Variants in DPYD observed in about 807,000 individuals in gnomAD.
DPYD encodes the protein dihydropyrimidine dehydrogenase [NADP(+)].
A neutral mutation model predicts 116.2 loss-of-function variants in DPYD; 109 were observed. The ratio of observed to expected loss-of-function variants is 0.94; its 90% confidence interval spans 0.80 to 1.10. The LOEUF (loss-of-function observed/expected upper bound fraction) is 1.10, where lower values mean the gene tolerates loss of function less well. DPYD is among the 50% of genes least tolerant of loss of function. DPYD has a pLI of 0.00. For synonymous variants in DPYD, 440 were observed against 432.0 expected (o/e 1.02, Z -0.23); for missense variants, 1,302 against 1,254.5 (o/e 1.04, Z -0.57).
intron 11 of DPYD, among the ~76,000 whole-genome samples, chr1:97,568,570 C>T (rs1229219011): frequency 6.6e-6 from 1 of 152,002 alleles, no homozygotes; most frequent in African/African-American, 2.4e-5. Flanking sequence ...ACCCCACTCT[C>T]AGCCAATATA....
At chr1:97,103,362 C>A (rs1447386824) in intron 20 of DPYD, among the ~76,000 whole-genome samples, 1 of 152,022 alleles carries the variant, frequency 6.6e-6, no homozygotes, top group Non-Finnish European at 1.5e-5. Flanking sequence ...AATGCTTAAT[C>A]ACCGATATAA....
At chr1:97,640,855 T>C (rs941190466) in intron 8 of DPYD, among the ~76,000 whole-genome samples, 3 of 152,158 alleles carry the variant, frequency 2.0e-5, no homozygotes, top group African/African-American at 7.2e-5. Flanking sequence ...AAAACAGTGA[T>C]AGAAGAAAAG....
At chr1:97,185,838 A>C (rs1016346458) in intron 20 of DPYD, among the ~76,000 whole-genome samples, 3 of 152,176 alleles carry the variant, frequency 2.0e-5, no homozygotes, top group Non-Finnish European at 4.4e-5. Context: ...AATGGCTGGA[A>C]AAGTGCACAA....
intron 8 of DPYD, among the ~76,000 whole-genome samples, chr1:97,677,759 A>AT (rs144819991): frequency 6.6e-6 from 1 of 152,098 alleles, no homozygotes; most frequent in Non-Finnish European, 1.5e-5. Flanking sequence ...GCTTTCCATA[A>AT]TTTTTTGCCT....
At chr1:97,493,215 T>A (rs1410670007) in intron 13 of DPYD, among the ~76,000 whole-genome samples, 1 of 152,202 alleles carries the variant, frequency 6.6e-6, no homozygotes, top group Non-Finnish European at 1.5e-5. Flanking sequence ...TAATACCAAG[T>A]AGGCTGTCTT....
At chr1:97,268,798 T>C (rs904038516) in intron 18 of DPYD, among the ~76,000 whole-genome samples, 3 of 152,328 alleles carry the variant, frequency 2.0e-5, no homozygotes, top group African/African-American at 2.4e-5. Flanking sequence ...AATGCCTCCA[T>C]GGTCATTCTC....
At chr1:97,135,946 A>C (rs1653758067) in intron 20 of DPYD, among the ~76,000 whole-genome samples, 1 of 152,226 alleles carries the variant, frequency 6.6e-6, no homozygotes, top group African/African-American at 2.4e-5. Flanking sequence ...AAGGAAGAAC[A>C]CAGCCAGGAT....
intron 19 of DPYD, among the ~76,000 whole-genome samples, chr1:97,223,937 G>A (rs1660944819): frequency 6.6e-6 from 1 of 151,814 alleles, no homozygotes; most frequent in Admixed American, 6.6e-5. Flanking sequence ...TTTTTTCAGA[G>A]TAGCCCTCAA....
intron 16 of DPYD, among the ~76,000 whole-genome samples, chr1:97,326,811 A>G (rs953778807): frequency 2.0e-5 from 3 of 150,656 alleles, no homozygotes; most frequent in Non-Finnish European, 4.4e-5. Flanking sequence ...ACAATAAATT[A>G]ATCTGAACTA....
chr1:97,087,607 A>G (rs549946844), intron 21 of DPYD, among the ~76,000 whole-genome samples: 1 of 152,270 alleles, frequency 6.6e-6, no homozygotes, highest in South Asian at 2.1e-4. Context: ...ATTGGCCAGG[A>G]GCAAAGTTGG....
At chr1:97,656,568 T>C (rs1051239900) in intron 8 of DPYD, among the ~76,000 whole-genome samples, 4 of 152,178 alleles carry the variant, frequency 2.6e-5, no homozygotes, top group Non-Finnish European at 5.9e-5. Flanking sequence ...CAACCTCATG[T>C]AGCCATCTGC....
At chr1:97,632,196 T>C (rs539189918) in intron 8 of DPYD, among the ~76,000 whole-genome samples, 1 of 152,250 alleles carries the variant, frequency 6.6e-6, no homozygotes, top group Non-Finnish European at 1.5e-5. Flanking sequence ...GCTAAATGTA[T>C]TCTGGCTGGC....
At chr1:97,553,674 T>G (rs1458994603) in intron 11 of DPYD, among the ~76,000 whole-genome samples, 1 of 152,084 alleles carries the variant, frequency 6.6e-6, no homozygotes. Flanking sequence ...CCTTTCTTGT[T>G]TATAAAACGG....
intron 18 of DPYD, among the ~76,000 whole-genome samples, chr1:97,296,873 T>C (rs548925692): frequency 1.3e-5 from 2 of 152,126 alleles, no homozygotes; most frequent in African/African-American, 2.4e-5. Context: ...AATTTTTAAA[T>C]GGGTGATGAT....
chr1:97,151,810 T>G (rs1351997386), intron 20 of DPYD, among the ~76,000 whole-genome samples: 1 of 152,216 alleles, frequency 6.6e-6, no homozygotes, highest in Non-Finnish European at 1.5e-5. Context: ...TTCTTTCAAT[T>G]TTACTGTTAA....
intron 10 of DPYD, among the ~76,000 whole-genome samples, chr1:97,583,082 T>C (rs1247982705): frequency 6.6e-6 from 1 of 151,976 alleles, no homozygotes; most frequent in Non-Finnish European, 1.5e-5. Flanking sequence ...CATTCTCCTG[T>C]CTCAGCCTCC....
At chr1:97,263,033 T>A (rs1232317610) in intron 18 of DPYD, among the ~76,000 whole-genome samples, 1 of 152,060 alleles carries the variant, frequency 6.6e-6, no homozygotes, top group African/African-American at 2.4e-5. Context: ...CTGTGTTAAT[T>A]CAACAAGCTT....
chr1:97,793,550 T>C (rs1284937371), intron 3 of DPYD, among the ~76,000 whole-genome samples: 1 of 152,062 alleles, frequency 6.6e-6, no homozygotes, highest in East Asian at 1.9e-4. Context: ...GACCCACAAA[T>C]ATACTGACAA....
intron 13 of DPYD, among the ~76,000 whole-genome samples, chr1:97,493,916 T>A (rs1348961982): frequency 6.6e-6 from 1 of 152,136 alleles, no homozygotes; most frequent in East Asian, 1.9e-4. Context: ...AGAGGGCAAC[T>A]CAGTCTTTGT....
Sources: allele counts gnomAD v4.1 joint callset (sites outside exome capture counted in the v4.1 genomes callset), GRCh38; gene constraint gnomAD v4.1.1; transcripts MANE v1.5; gene names NCBI Gene and HGNC (gene_info 2026-07-23, HGNC 2026-07-21).